The following KDM2A variants were observed in gnomAD, a reference collection of about 807,000 sequenced individuals.
KDM2A encodes lysine-specific demethylase 2A.
KDM2A carries 3 observed loss-of-function variants against 137.3 expected under a neutral mutation model. That is an observed-to-expected ratio of 0.02 (90% CI 0.01 to 0.06). The LOEUF (loss-of-function observed/expected upper bound fraction) is 0.06, where lower values mean the gene tolerates loss of function less well. KDM2A is among the 10% of genes least tolerant of loss of function. The probability of loss-of-function intolerance (pLI) is 1.00; values close to 1 mark genes in which losing one functional copy is unlikely to be tolerated. For synonymous variants in KDM2A, 512 were observed against 541.5 expected, an observed-to-expected ratio of 0.95 and a Z score of 0.76; for missense variants, 738 against 1,510.6, an observed-to-expected ratio of 0.49 and a Z score of 8.48.
intron 2 of KDM2A, among the ~76,000 whole-genome samples, chr11:67,142,586 T>TTGGGGG (rs1565375309): frequency 9.9e-6 from 1 of 100,594 alleles, no homozygotes; most frequent in Non-Finnish European, 2.0e-5. Flanking sequence ...GGGGTTGGGG[T>TTGGGGG]TGGGGTTGGG....
chr11:67,183,899 A>G (rs967702473), intron 5 of KDM2A, among the ~76,000 whole-genome samples: 3 of 151,446 alleles, frequency 2.0e-5, no homozygotes, highest in Non-Finnish European at 4.4e-5. Flanking sequence ...GCTTGAGTCC[A>G]GGAGTTTGAG....
chr11:67,246,842 T>G (rs1275773865), intron 15 of KDM2A, among the ~76,000 whole-genome samples: 3 of 151,498 alleles, frequency 2.0e-5, no homozygotes, highest in Non-Finnish European at 4.4e-5. Flanking sequence ...GATTTTTGGT[T>G]TTTTTGAATA....
At chr11:67,224,929 C>T (rs1395715365) in intron 10 of KDM2A, among the ~76,000 whole-genome samples, 1 of 148,690 alleles carries the variant, frequency 6.7e-6, no homozygotes, top group African/African-American at 2.5e-5. Context: ...GCAACCTCCA[C>T]CTCCCAGGTT....
At chr11:67,225,543 G>A (rs937271824) in intron 10 of KDM2A, among the ~76,000 whole-genome samples, 29 of 152,194 alleles carry the variant, frequency 1.9e-4, no homozygotes, top group African/African-American at 6.7e-4. Flanking sequence ...GGCCGAGGTG[G>A]GTGGATCACC....
Position 67,253,464 on chromosome 11 carries a change from C to G in KDM2A, c.2944C>G (p.Leu982Val). ...LVNRLPGLKD[L>V]LLAGCSWSAV... ...TCCATCCATTGCAGGACTGAAAGAC[C>G]TCCTCCTAGCAGGCTGCTCCTGGTC... is the stretch of plus-strand genomic sequence containing the variant. Residue 982 changes from leucine to valine, a missense_variant, in exon 19 of 21, where the codon CTC becomes GTC. Physicochemically the swap from Leu to Val is conservative, Grantham distance 32 (BLOSUM62 1). Around this residue, in one of 9 missense-constraint regions of KDM2A, gnomAD observed 166 missense variants for 324.0 expected, o/e 0.51. Coordinates refer to ENST00000529006, the MANE Select transcript of KDM2A (RefSeq NM_012308.3). 3 of 1,613,542 alleles carry G rather than the reference C, an allele frequency of 1.9e-6. No individual in the cohort carries two copies. The highest frequency in any genetic ancestry group is 2.5e-6 in the Non-Finnish European group (3 of 1,179,602).
At chr11:67,134,612 C>G (rs1855931069) in intron 2 of KDM2A, among the ~76,000 whole-genome samples, 1 of 151,980 alleles carries the variant, frequency 6.6e-6, no homozygotes, top group South Asian at 2.1e-4. Flanking sequence ...TCAAGTGATT[C>G]TCCTGCCTCA....
chr11:67,190,944 G>A (rs1035277620), intron 5 of KDM2A, among the ~76,000 whole-genome samples: 1 of 152,158 alleles, frequency 6.6e-6, no homozygotes, highest in Non-Finnish European at 1.5e-5. Context: ...CGAAGAAAAG[G>A]CTGGGCCTGA....
chr11:67,250,896 T>G lies in KDM2A; in HGVS notation c.2768+98T>G. 1.1e-6 allele frequency: 1 copy of G among 919,008 alleles called. No individual in the cohort carries two copies. Among genetic ancestry groups the G allele is most frequent in the Non-Finnish European group, 1.7e-6 (1 of 596,612 alleles). The allele number at this position is 919,008 out of a possible 1,614,324, so 56.9% of individuals were successfully genotyped here. A position where few individuals can be genotyped will look rare whatever the true frequency, so the allele number is the denominator to read the frequency against. On this transcript the variant is annotated intron_variant, in intron 17 of 20. Transcript: ENST00000529006. The surrounding 1 kb of genome is among the most constrained non-coding windows in gnomAD (Gnocchi z 7.1). ...ATGCACCTTGGCATCTGAAAGCCTGTGGGGTCTTATGAGGAGTGAATTGAC... is the reference window on the plus strand; with the variant it reads ...ATGCACCTTGGCATCTGAAAGCCTGGGGGGTCTTATGAGGAGTGAATTGAC...
At chr11:67,131,595 A>G (rs189430370) in intron 2 of KDM2A, among the ~76,000 whole-genome samples, 2 of 151,900 alleles carry the variant, frequency 1.3e-5, no homozygotes, top group East Asian at 3.9e-4. Context: ...TATTTTTAGT[A>G]GAGATGGGGT....
In KDM2A at chr11:67,152,905, AGTGTGTGTGTGTGTGTGTGTGT is replaced by A. The variant is rs146532672; in HGVS notation, c.43-27147_43-27126del. Among the ~76,000 whole-genome samples, 129 of 142,730 alleles carry A rather than the reference AGTGTGTGTGTGTGTGTGTGTGT, an allele frequency of 9.0e-4. 2 individuals carry two copies. The highest frequency in any genetic ancestry group is 6.2e-4 in the Non-Finnish European group (41 of 65,824). The allele number at this position is 142,730 out of a possible 152,430, so 93.6% of individuals were successfully genotyped here. Reference sequence around the variant, plus strand: ...TGAGACTATAGGATTACAGTGCCAGAGTGTGTGTGTGTGTGTGTGTGTGTGTGTGTGTGTGTGTGTGTGTGTG... The same window carrying A: ...TGAGACTATAGGATTACAGTGCCAGAGTGTGTGTGTGTGTGTGTGTGTGTG... On this transcript the variant is annotated intron_variant, in intron 2 of 20. Coordinates refer to ENST00000529006, the MANE Select transcript of KDM2A (RefSeq NM_012308.3).
chr11:67,196,745 G>GT (rs754986673), intron 5 of KDM2A: 139 of 288,568 alleles, frequency 4.8e-4, no homozygotes, highest in Non-Finnish European at 7.7e-4. Context: ...AACGGCCATA[G>GT]TTTCAGTTTT....
At chr11:67,203,665 G>T (rs1167023299) in intron 5 of KDM2A, among the ~76,000 whole-genome samples, 3 of 151,396 alleles carry the variant, frequency 2.0e-5, no homozygotes, top group Non-Finnish European at 4.4e-5. Flanking sequence ...GAGGTGGGAG[G>T]ATCACTTGAG....
intron 2 of KDM2A, 93 bp downstream of exon 2, chr11:67,121,451 A>C: frequency 7.7e-7 from 1 of 1,304,622 alleles, no homozygotes; most frequent in Non-Finnish European, 1.1e-6. Flanking sequence ...TCTGTGATTA[A>C]AACTTTTCGG....
chr11:67,254,853 T>C lies in KDM2A; in HGVS notation c.3308-21T>C, dbSNP rs762245493. ...AGCTGTGTGTATGTGAGCACTGTCA[T>C]TATGTCCACTTTCCCGACAGGTTGC... On this transcript the variant is annotated intron_variant, in intron 20 of 20. Transcript: ENST00000529006. This position sits in a 1 kb window ranked among gnomAD's most constrained non-coding sequence, Gnocchi z 4.7. 11 of 1,610,508 alleles carry C rather than the reference T, an allele frequency of 6.8e-6. No individual in the cohort carries two copies. The Admixed American group carries it at 1.5e-4, about 22-fold the overall frequency.
intron 9 of KDM2A, 88 bp downstream of exon 9, chr11:67,217,972 A>T (rs1167324120): frequency 5.2e-6 from 6 of 1,158,222 alleles, no homozygotes; most frequent in Non-Finnish European, 7.2e-6. Context: ...AATAGTTATG[A>T]TGCTGGGCGT....
At chr11:67,162,819 T>G (rs1856663456) in intron 2 of KDM2A, among the ~76,000 whole-genome samples, 1 of 152,138 alleles carries the variant, frequency 6.6e-6, no homozygotes, top group Non-Finnish European at 1.5e-5. Context: ...GCTCAAACAG[T>G]CTTTCCACCT....
chr11:67,196,201 ATGG>A, intron 5 of KDM2A: 1 of 449,110 alleles, frequency 2.2e-6, no homozygotes, highest in Non-Finnish European at 4.5e-6. Context: ...AAAATCATCC[ATGG>A]TGCACGAGCA....
At chr11:67,149,689 T>C (rs927900183) in intron 2 of KDM2A, among the ~76,000 whole-genome samples, 2 of 151,786 alleles carry the variant, frequency 1.3e-5, no homozygotes, top group African/African-American at 4.8e-5. Context: ...AGTAATCTAA[T>C]TTTATAAATA....
rs894472080 is a variant in KDM2A at position 67,219,999 on chromosome 11, A to G, written c.957+596A>G. On this transcript the variant is annotated intron_variant, in intron 10 of 20. Transcript: ENST00000529006. ...TTTAGCCAACACCATAGTGAATGGG[A>G]AAAAGTAACATTTTTTTCTTTTAAT... 3.3e-5 allele frequency among the ~76,000 whole-genome samples: 5 copies of G among 151,798 alleles called. No homozygotes were observed. The South Asian group carries it at 1.0e-3, about 32-fold the overall frequency.
Sources: gnomAD v4.1 joint callset for allele counts (sites outside exome capture counted in the v4.1 genomes callset) on GRCh38, gnomAD v4.1.1 for gene constraint, gnomAD v4.1.1 regional missense constraint, Gnocchi (gnomAD v3.1) non-coding constraint, MANE v1.5 for transcripts, NCBI Gene and HGNC (gene_info 2026-07-23, HGNC 2026-07-21) for gene names.